PODNL1: variants seen among roughly 807,000 people sequenced by gnomAD.
PODNL1 encodes the protein podocan like 1, also known as podocan-like protein 1.
A neutral mutation model predicts 45.1 loss-of-function variants in PODNL1; 50 were observed. The observed-to-expected ratio is 1.11, with a 90% CI of 0.88 to 1.40. The LOEUF is 1.40. Among genes scored for constraint, PODNL1 ranks in the 40% most tolerant of loss-of-function variants. PODNL1 has a pLI of 0.00. For missense variants in PODNL1, 788 were observed against 793.3 expected (o/e 0.99, Z 0.08); for synonymous variants, 406 against 372.5 (o/e 1.09, Z -1.04).
In PODNL1 at chr19:13,933,411, A is replaced by G; in HGVS notation, c.812T>C (p.Leu271Pro). 6.3e-7 allele frequency: 1 copy of G among 1,598,572 alleles called. No individual in the cohort carries two copies. Among genetic ancestry groups the G allele is most frequent in the Non-Finnish European group, 8.5e-7 (1 of 1,174,234 alleles). Residue 271 changes from leucine (L) to proline (P), a missense_variant, in exon 8 of 10, where the codon CTG becomes CCG. Leu to Pro is a moderately conservative substitution (Grantham distance 98). This residue lies in a region of PODNL1 where 762 missense variants were observed against 750.9 expected (regional missense o/e 1.01). Coordinates refer to ENST00000588872, the MANE Select transcript of PODNL1 (RefSeq NM_001370095.3). This position sits in a 1 kb window ranked among gnomAD's most constrained non-coding sequence, Gnocchi z 5.2. ...LEYLDLSHNQ[L>P]TTVPAGLPRT... ...GGGCAGGCCGGCGGGCACTGTGGTCAGCTGGTTGTGGGAGAGATCCAGGTA... is the reference window on the plus strand; with the variant it reads ...GGGCAGGCCGGCGGGCACTGTGGTCGGCTGGTTGTGGGAGAGATCCAGGTA...
At chr19:13,932,371 T>C (rs1972007690) in intron 8 of PODNL1, 4 of 496,200 alleles carry the variant, frequency 8.1e-6, no homozygotes, top group Non-Finnish European at 1.3e-5. Context: ...TCATCACTTT[T>C]TTTTTCAAGA....
Position 13,936,349 on chromosome 19 carries a change from C to T in PODNL1, c.319+18G>A. ...AGTCCTACAGCCCCAGAGAGGCCGC[C>T]TCCCTCTGCCCCCTCACCTTCGGAG... On this transcript the variant is annotated intron_variant, in intron 3 of 9. Coordinates refer to ENST00000588872, the MANE Select transcript of PODNL1 (RefSeq NM_001370095.3). The T allele has an allele frequency of 6.2e-7, 1 of 1,601,140 alleles. No homozygotes were observed. Among genetic ancestry groups the T allele is most frequent in the Non-Finnish European group, 8.6e-7 (1 of 1,168,648 alleles).
At chr19:13,940,279 A>C (rs1445572317), upstream of PODNL1, among the ~76,000 whole-genome samples, 2 of 151,672 alleles carry the variant, frequency 1.3e-5, no homozygotes, top group Non-Finnish European at 1.5e-5. Flanking sequence ...TTTTTTAAAA[A>C]CTTTGTGGGG....
chr19:13,938,543 A>ACGAC (rs1249285569), upstream of PODNL1: 6 of 1,003,040 alleles, frequency 6.0e-6, no homozygotes, highest in South Asian at 8.7e-5. Flanking sequence ...GGTATTTGGG[A>ACGAC]CGACCGCAGG....
intron 1 of PODNL1, among the ~76,000 whole-genome samples, chr19:13,951,117 T>A (rs947672485): frequency 4.0e-5 from 6 of 151,760 alleles, no homozygotes; most frequent in Non-Finnish European, 5.9e-5. Flanking sequence ...AAAACCATAT[T>A]TTGGTCTTAG....
intron 6 of PODNL1, 65 bp from the exon 7 acceptor site, chr19:13,934,058 C>A: frequency 6.8e-7 from 1 of 1,464,352 alleles, no homozygotes; most frequent in South Asian, 1.2e-5. Flanking sequence ...CCACAGACGG[C>A]TCTTGAGTAA....
At chr19:13,938,123 C>A in intron 1 of PODNL1, 56 bp downstream of exon 1, 2 of 1,539,840 alleles carry the variant, frequency 1.3e-6, no homozygotes, top group Non-Finnish European at 1.8e-6. Flanking sequence ...GTTGGCAGAG[C>A]AGGGGTGGGG....
intron 1 of PODNL1, among the ~76,000 whole-genome samples, chr19:13,943,924 T>C (rs888605803): frequency 6.6e-6 from 1 of 152,176 alleles, no homozygotes; most frequent in Non-Finnish European, 1.5e-5. Flanking sequence ...GACATCTACC[T>C]ATCTATTTGA....
intron 6 of PODNL1, 37 bp downstream of exon 6, chr19:13,934,217 A>G (rs1161725736): frequency 2.0e-6 from 3 of 1,489,708 alleles, no homozygotes; most frequent in South Asian, 1.4e-5. Flanking sequence ...AGAGGTGAAG[A>G]GAGTCTGGCC....
chr19:13,937,772 C>A lies in PODNL1; in HGVS notation c.225+13G>T, dbSNP rs550896527. 5.1e-6 allele frequency: 8 copies of A among 1,566,112 alleles called. No homozygotes were observed. In the East Asian group the frequency reaches 1.6e-4, roughly 32 times the overall value. On this transcript the variant is annotated intron_variant, in intron 2 of 9. Transcript: ENST00000588872. The stretch of plus-strand genomic sequence containing the variant: ...CAGCCCTGCATGCCCCCACTCCCCT[C>A]CGTGGGCCCCACCTGCAGGGAGAGG...
intron 5 of PODNL1, 51 bp from the exon 6 acceptor site, chr19:13,934,461 C>A: frequency 6.9e-7 from 1 of 1,452,162 alleles, no homozygotes; most frequent in South Asian, 1.5e-5. Context: ...CTCCTACCAC[C>A]CCACTCCCGC....
chr19:13,952,486 C>T, intron 1 of PODNL1: 1 of 1,248,294 alleles, frequency 8.0e-7, no homozygotes, highest in Non-Finnish European at 1.0e-6. Context: ...GGGCCGGTTG[C>T]TCCGGAAGTG....
intron 8 of PODNL1, chr19:13,932,361 T>C: frequency 4.0e-6 from 2 of 502,176 alleles, no homozygotes; most frequent in Non-Finnish European, 6.6e-6. Flanking sequence ...CATACCTCTT[T>C]CATCACTTTT....
intron 1 of PODNL1, among the ~76,000 whole-genome samples, chr19:13,943,536 A>G (rs940473973): frequency 1.3e-5 from 2 of 151,854 alleles, no homozygotes; most frequent in Non-Finnish European, 2.9e-5. Flanking sequence ...ATCTTGATTC[A>G]CTGCAAGCTC....
chr19:13,932,938 G>A lies in PODNL1; in HGVS notation c.1285C>T (p.Leu429=). ...AGCATCCGCAGCTGGTTGCGTTGCA[G>A]CTGCAGGGTGCGCAGGCCAGTGGGC... ...GLPTGLRTLQ[L]QRNQLRMLEP... The change falls in exon 8 of 10, where the codon CTG becomes TTG. Residue 429 remains leucine, a synonymous_variant. Transcript: ENST00000588872. 7 of 1,566,390 alleles carry A rather than the reference G, an allele frequency of 4.5e-6. No homozygotes were observed. Among genetic ancestry groups the A allele is most frequent in the Non-Finnish European group, 6.0e-6 (7 of 1,159,912 alleles).
At chr19:13,952,499 G>T in intron 1 of PODNL1, 1 of 1,250,418 alleles carries the variant, frequency 8.0e-7, no homozygotes, top group Non-Finnish European at 1.0e-6. Context: ...CGGAAGTGGA[G>T]GGAGGGGGTG....
At chr19:13,952,107 G>A (rs1416129585) in intron 1 of PODNL1, among the ~76,000 whole-genome samples, 1 of 152,260 alleles carries the variant, frequency 6.6e-6, no homozygotes, top group Non-Finnish European at 1.5e-5. Flanking sequence ...CGGGCAGCCC[G>A]GGGCTGAGGA....
chr19:13,938,218 G>T lies in PODNL1; in HGVS notation c.-37C>A. 6.2e-7 allele frequency: 1 copy of T among 1,605,986 alleles called. No homozygotes were observed. The highest frequency in any genetic ancestry group is 2.2e-5 in the East Asian group (1 of 44,628). On this transcript the variant is annotated 5_prime_UTR_variant, in exon 1 of 10. Coordinates refer to ENST00000588872, the MANE Select transcript of PODNL1 (RefSeq NM_001370095.3). Reference sequence around the variant, plus strand: ...ACTCTGCCATCTCGCCCAAGCTGCTGACCAGGACTTCCTAATGGAAACCAG... The same window carrying T: ...ACTCTGCCATCTCGCCCAAGCTGCTTACCAGGACTTCCTAATGGAAACCAG...
intron 1 of PODNL1, among the ~76,000 whole-genome samples, chr19:13,949,861 ATTAT>A (rs1972942324): frequency 6.8e-6 from 1 of 146,936 alleles, no homozygotes; most frequent in South Asian, 2.2e-4. Flanking sequence ...ACTCCGCTAA[ATTAT>A]TTATTTATTT....
Sources: gnomAD v4.1 joint callset for allele counts (sites outside exome capture counted in the v4.1 genomes callset) on GRCh38, gnomAD v4.1.1 for gene constraint, gnomAD v4.1.1 regional missense constraint, Gnocchi (gnomAD v3.1) non-coding constraint, MANE v1.5 for transcripts, NCBI Gene and HGNC (gene_info 2026-07-23, HGNC 2026-07-21) for gene names.